Variants in RAP1GDS1 observed in about 807,000 individuals in gnomAD.
RAP1GDS1 encodes RAP1, GTP-GDP dissociation stimulator 1.
Under a neutral mutation model 71.1 loss-of-function variants are expected in RAP1GDS1, and 35 were observed. That is an observed-to-expected ratio of 0.49 (90% CI 0.38 to 0.65). The LOEUF (loss-of-function observed/expected upper bound fraction) is 0.65, where lower values mean the gene tolerates loss of function less well. RAP1GDS1 is among the 30% of genes least tolerant of loss of function. The pLI, the probability that RAP1GDS1 is intolerant of heterozygous loss-of-function variation, is 0.00. For synonymous variants in RAP1GDS1, 229 were observed against 243.1 expected, an observed-to-expected ratio of 0.94 and a Z score of 0.54; for missense variants, 663 against 706.1, an observed-to-expected ratio of 0.94 and a Z score of 0.69.
chr4:98,346,029 A>G (rs1736192725), intron 3 of RAP1GDS1, among the ~76,000 whole-genome samples: 1 of 152,174 alleles, frequency 6.6e-6, no homozygotes, highest in African/African-American at 2.4e-5. Context: ...GGAACTTGTT[A>G]CATGCAAATT....
rs568150850 is a variant in RAP1GDS1, at chr4:98,334,295, C to T, written c.113-8844C>T. Reference sequence around the variant, plus strand: ...TTTTGGGGTAAAACTGTTTCTATAGCAGTTTAAAAAAACAAAAAAAACCTC... The same window carrying T: ...TTTTGGGGTAAAACTGTTTCTATAGTAGTTTAAAAAAACAAAAAAAACCTC... On this transcript the variant is annotated intron_variant, in intron 2 of 14. Coordinates refer to ENST00000408927, the MANE Select transcript of RAP1GDS1 (RefSeq NM_001100427.2). 2.0e-5 allele frequency among the ~76,000 whole-genome samples: 3 copies of T among 151,064 alleles called. No homozygotes were observed. In the East Asian group the frequency reaches 5.8e-4, roughly 29 times the overall value.
chr4:98,354,745 C>G (rs74381039), intron 4 of RAP1GDS1, among the ~76,000 whole-genome samples: 3,283 of 151,946 alleles, frequency 0.022, 110 homozygotes, highest in African/African-American at 0.075. Context: ...ATATTTATAA[C>G]CAACTTATCC....
At chr4:98,430,192 AG>A (rs1750205131) in intron 12 of RAP1GDS1, among the ~76,000 whole-genome samples, 1 of 152,084 alleles carries the variant, frequency 6.6e-6, no homozygotes, top group African/African-American at 2.4e-5. Flanking sequence ...TTTTAGGAAA[AG>A]GTGGATGGGG....
chr4:98,434,541 G>A (rs1423811785), intron 13 of RAP1GDS1, among the ~76,000 whole-genome samples: 1 of 150,684 alleles, frequency 6.6e-6, no homozygotes, highest in Non-Finnish European at 1.5e-5. Flanking sequence ...TTACCCTTCT[G>A]TGTGTTTTGC....
chr4:98,316,042 C>A (rs555088769), intron 2 of RAP1GDS1, among the ~76,000 whole-genome samples: 5 of 150,808 alleles, frequency 3.3e-5, no homozygotes, highest in Middle Eastern at 3.4e-3. Flanking sequence ...TGTAGTGATA[C>A]CAGGTAACAT....
intron 1 of RAP1GDS1, among the ~76,000 whole-genome samples, chr4:98,291,120 C>T (rs551992503): frequency 3.3e-5 from 5 of 152,122 alleles, no homozygotes; most frequent in Non-Finnish European, 5.9e-5. Flanking sequence ...TCATTTAAAA[C>T]CTTTGACAGA....
At chr4:98,325,108 G>A (rs1311021954) in intron 2 of RAP1GDS1, among the ~76,000 whole-genome samples, 25 of 151,740 alleles carry the variant, frequency 1.6e-4, no homozygotes, top group African/African-American at 2.2e-4. Flanking sequence ...AAAAGTGGGC[G>A]AAGGACATGA....
chr4:98,378,061 GT>G (rs1306718899), intron 4 of RAP1GDS1, among the ~76,000 whole-genome samples: 2 of 151,816 alleles, frequency 1.3e-5, no homozygotes, highest in Admixed American at 6.6e-5. Context: ...ATTTTCACCT[GT>G]TTTTTAATGT....
At chr4:98,261,719 A>G (rs1354783653) in intron 1 of RAP1GDS1, 150 bp downstream of exon 1, 27 of 1,053,404 alleles carry the variant, frequency 2.6e-5, no homozygotes. Flanking sequence ...GAGTCGGCGC[A>G]CGCGGAACGC....
At chr4:98,418,168 T>A (rs952911166) in intron 9 of RAP1GDS1, among the ~76,000 whole-genome samples, 2 of 152,198 alleles carry the variant, frequency 1.3e-5, no homozygotes, top group Non-Finnish European at 2.9e-5. Context: ...AGTGACTTCC[T>A]AATTATGGAG....
intron 4 of RAP1GDS1, among the ~76,000 whole-genome samples, chr4:98,365,945 C>G (rs1578603310): frequency 6.6e-6 from 1 of 152,142 alleles, no homozygotes. Context: ...CCAGAGAAAC[C>G]TTAACGTAAA....
chr4:98,267,669 A>G (rs2110223980), intron 1 of RAP1GDS1, among the ~76,000 whole-genome samples: 1 of 152,334 alleles, frequency 6.6e-6, no homozygotes, highest in East Asian at 1.9e-4. Flanking sequence ...GCTGCAAAGG[A>G]CATGATTTCA....
intron 2 of RAP1GDS1, among the ~76,000 whole-genome samples, chr4:98,308,545 T>A (rs1459647730): frequency 2.6e-5 from 4 of 151,684 alleles, no homozygotes; most frequent in African/African-American, 9.7e-5. Context: ...GCCGAATTAA[T>A]GTGTTGAAAG....
At chr4:98,364,477 T>C (rs1739191308) in intron 4 of RAP1GDS1, among the ~76,000 whole-genome samples, 1 of 152,162 alleles carries the variant, frequency 6.6e-6, no homozygotes, top group East Asian at 1.9e-4. Flanking sequence ...GAGGAAGTTA[T>C]CACTGTCAAA....
Position 98,327,776 on chromosome 4 carries a change from C to T in RAP1GDS1, c.113-15363C>T, listed in dbSNP as rs1271220147. ...GGAATCAGTGTTAAAATTTTTCTAG[C>T]CACATTTGAGCAACAAGGGAGATTG... is the stretch of plus-strand genomic sequence containing the variant. On this transcript the variant is annotated intron_variant, in intron 2 of 14. Coordinates refer to ENST00000408927, the MANE Select transcript of RAP1GDS1 (RefSeq NM_001100427.2). 3.3e-5 allele frequency among the ~76,000 whole-genome samples: 5 copies of T among 152,092 alleles called. 1 individual carries two copies. The highest frequency in any genetic ancestry group is 4.1e-4 in the South Asian group (2 of 4,830).
chr4:98,423,619 A>T (rs1749190959), intron 12 of RAP1GDS1, among the ~76,000 whole-genome samples: 1 of 151,910 alleles, frequency 6.6e-6, no homozygotes, highest in Non-Finnish European at 1.5e-5. Context: ...ATCTCCACTC[A>T]CTGTAACCTC....
intron 12 of RAP1GDS1, among the ~76,000 whole-genome samples, chr4:98,422,195 G>C (rs139552634): frequency 1.3e-5 from 2 of 151,798 alleles, no homozygotes; most frequent in Non-Finnish European, 2.9e-5. Flanking sequence ...GCAAGACTCC[G>C]TCTCAAAATA....
chr4:98,325,654 C>T (rs1293546488), intron 2 of RAP1GDS1, among the ~76,000 whole-genome samples: 1 of 150,252 alleles, frequency 6.7e-6, no homozygotes, highest in Non-Finnish European at 1.5e-5. Flanking sequence ...TCATCATTCT[C>T]AGTAAACTAT....
At chr4:98,312,448 C>G (rs1469547608) in intron 2 of RAP1GDS1, among the ~76,000 whole-genome samples, 1 of 152,128 alleles carries the variant, frequency 6.6e-6, no homozygotes, top group Non-Finnish European at 1.5e-5. Context: ...CCTAACAAAT[C>G]CTCTGTATTT....
Sources: gnomAD v4.1 joint callset for allele counts (sites outside exome capture counted in the v4.1 genomes callset) on GRCh38, gnomAD v4.1.1 for gene constraint, MANE v1.5 for transcripts, NCBI Gene and HGNC (gene_info 2026-07-23, HGNC 2026-07-21) for gene names.